NR2F1-AS1: variants seen among roughly 807,000 people sequenced by gnomAD.
NR2F1-AS1 encodes the protein NR2F1 regulatory antisense RNA 1.
At chr5:93,415,736 T>C (rs1393050343) in intron 4 of NR2F1-AS1, among the ~76,000 whole-genome samples, 3 of 152,224 alleles carry the variant, frequency 2.0e-5, no homozygotes, top group Non-Finnish European at 4.4e-5. Flanking sequence ...AAGCTTCCAC[T>C]GTTCATGCAT....
intron 4 of NR2F1-AS1, among the ~76,000 whole-genome samples, chr5:93,460,438 G>A (rs2149862927): frequency 6.6e-6 from 1 of 152,320 alleles, no homozygotes; most frequent in East Asian, 1.9e-4. Context: ...GGAAGTTACA[G>A]AAAGAGTTGC....
At chr5:93,506,916 GAATTT>G (rs1404801549) in intron 4 of NR2F1-AS1, among the ~76,000 whole-genome samples, 3 of 152,040 alleles carry the variant, frequency 2.0e-5, no homozygotes, top group Non-Finnish European at 4.4e-5. Flanking sequence ...ATAAATTAAT[GAATTT>G]AATTGATTTA....
At chr5:93,486,610 C>A (rs1339320988) in intron 4 of NR2F1-AS1, among the ~76,000 whole-genome samples, 1 of 152,102 alleles carries the variant, frequency 6.6e-6, no homozygotes, top group African/African-American at 2.4e-5. Context: ...TAATAGCCTA[C>A]CAACCAAAAC....
chr5:93,417,777 G>C (rs1186441455), intron 4 of NR2F1-AS1, among the ~76,000 whole-genome samples: 1 of 152,188 alleles, frequency 6.6e-6, no homozygotes, highest in African/African-American at 2.4e-5. Flanking sequence ...CAATGAGTGG[G>C]AAACATGTAC....
At chr5:93,432,264 G>A (rs888005934) in intron 4 of NR2F1-AS1, 4 of 152,214 alleles carry the variant, frequency 2.6e-5, no homozygotes, top group Admixed American at 2.0e-4. Flanking sequence ...CACTAGACCC[G>A]ATGATTTCAA....
intron 4 of NR2F1-AS1, among the ~76,000 whole-genome samples, chr5:93,498,776 G>C (rs943402816): frequency 5.9e-5 from 9 of 152,092 alleles, no homozygotes; most frequent in Admixed American, 5.2e-4. Context: ...AATGTAACTG[G>C]ATAAAGGCTC....
At chr5:93,416,563 T>G (rs1049287152) in intron 4 of NR2F1-AS1, among the ~76,000 whole-genome samples, 1 of 152,202 alleles carries the variant, frequency 6.6e-6, no homozygotes, top group Non-Finnish European at 1.5e-5. Context: ...GGGAGTTTAT[T>G]ACATGAAAAT....
intron 4 of NR2F1-AS1, among the ~76,000 whole-genome samples, chr5:93,533,990 C>T (rs902469142): frequency 1.3e-5 from 2 of 152,028 alleles, no homozygotes; most frequent in African/African-American, 4.8e-5. Context: ...GGCTGAGGCA[C>T]GAGAATCCCT....
intron 4 of NR2F1-AS1, among the ~76,000 whole-genome samples, chr5:93,538,316 T>C (rs1331477603): frequency 3.3e-5 from 5 of 151,808 alleles, no homozygotes; most frequent in Non-Finnish European, 7.4e-5. Context: ...CTACTAAAAA[T>C]ACAAAAAATT....
At chr5:93,431,224 T>C (rs1749306025) in intron 4 of NR2F1-AS1, among the ~76,000 whole-genome samples, 1 of 152,004 alleles carries the variant, frequency 6.6e-6, no homozygotes, top group East Asian at 1.9e-4. Flanking sequence ...AAAAGTTATT[T>C]CCAGATGCAT....
intron 1 of NR2F1-AS1, among the ~76,000 whole-genome samples, chr5:93,574,796 T>C (rs1478714396): frequency 6.6e-6 from 1 of 152,210 alleles, no homozygotes; most frequent in Non-Finnish European, 1.5e-5. Context: ...AAACGTCGGT[T>C]TGACGCCCCA....
At chr5:93,459,065 T>A (rs1023331354) in intron 4 of NR2F1-AS1, among the ~76,000 whole-genome samples, 2 of 151,846 alleles carry the variant, frequency 1.3e-5, no homozygotes, top group Non-Finnish European at 2.9e-5. Flanking sequence ...GGAGAAAATA[T>A]TTGCAAAAGA....
intron 4 of NR2F1-AS1, among the ~76,000 whole-genome samples, chr5:93,415,786 T>C (rs1748955608): frequency 6.6e-6 from 1 of 152,240 alleles, no homozygotes; most frequent in Non-Finnish European, 1.5e-5. Flanking sequence ...ACGTTTATGA[T>C]TGTGAACTTG....
chr5:93,464,724 C>G (rs1343808236), intron 4 of NR2F1-AS1, among the ~76,000 whole-genome samples: 1 of 152,182 alleles, frequency 6.6e-6, no homozygotes, highest in Admixed American at 6.5e-5. Flanking sequence ...AACAAATATT[C>G]ATGCAGCCTA....
At chr5:93,490,912 T>C (rs1580271971) in intron 4 of NR2F1-AS1, among the ~76,000 whole-genome samples, 1 of 147,092 alleles carries the variant, frequency 6.8e-6, no homozygotes, top group African/African-American at 2.6e-5. Context: ...GTGGTGGTGG[T>C]GATGGGAGTG....
At chr5:93,424,466 C>T (rs1749155506) in intron 4 of NR2F1-AS1, among the ~76,000 whole-genome samples, 1 of 152,030 alleles carries the variant, frequency 6.6e-6, no homozygotes, top group African/African-American at 2.4e-5. Context: ...ACTTCCCATT[C>T]TCACCCCACA....
intron 4 of NR2F1-AS1, among the ~76,000 whole-genome samples, chr5:93,496,760 G>A (rs899896987): frequency 2.6e-5 from 4 of 152,018 alleles, no homozygotes; most frequent in African/African-American, 9.7e-5. Flanking sequence ...TTCATATTTG[G>A]TATCTCAAAG....
At chr5:93,537,603 A>G (rs1263270319) in intron 4 of NR2F1-AS1, among the ~76,000 whole-genome samples, 2 of 152,328 alleles carry the variant, frequency 1.3e-5, no homozygotes, top group Non-Finnish European at 2.9e-5. Context: ...AACCACTATG[A>G]GATACCACCT....
intron 4 of NR2F1-AS1, among the ~76,000 whole-genome samples, chr5:93,489,232 A>G (rs1361888376): frequency 6.6e-6 from 1 of 151,560 alleles, no homozygotes; most frequent in East Asian, 1.9e-4. Context: ...ACAGAACTTG[A>G]GTATAATTTA....
Sources: gnomAD v4.1 joint callset for allele counts (sites outside exome capture counted in the v4.1 genomes callset) on GRCh38, gnomAD v4.1.1 for gene constraint, MANE v1.5 for transcripts, NCBI Gene and HGNC (gene_info 2026-07-23, HGNC 2026-07-21) for gene names.